The following PARD3B variants were observed in gnomAD, a reference collection of about 807,000 sequenced individuals.
PARD3B encodes partitioning defective 3 homolog B.
Under a neutral mutation model 130.2 loss-of-function variants are expected in PARD3B, and 103 were observed. The ratio of observed to expected loss-of-function variants is 0.79; its 90% CI spans 0.67 to 0.93. The LOEUF (loss-of-function observed/expected upper bound fraction) is 0.93, where lower values mean the gene tolerates loss of function less well. Ranked by LOEUF, PARD3B falls within the 40% of genes least tolerant of loss-of-function variation. The probability of loss-of-function intolerance (pLI) is 0.00; values close to 1 mark genes in which losing one functional copy is unlikely to be tolerated. For missense variants in PARD3B, 1,609 were observed against 1,499.2 expected (o/e 1.07, Z -1.21); for synonymous variants, 583 against 553.2 (o/e 1.05, Z -0.76).
At chr2:205,259,379 C>T (rs2040213807) in intron 16 of PARD3B, among the ~76,000 whole-genome samples, 3 of 149,396 alleles carry the variant, frequency 2.0e-5, no homozygotes, top group South Asian at 2.1e-4. Context: ...ACTTATAGCA[C>T]ATTGGAGATC....
intron 20 of PARD3B, among the ~76,000 whole-genome samples, chr2:205,495,046 A>C (rs2106328833): frequency 6.6e-6 from 1 of 152,278 alleles, no homozygotes; most frequent in Admixed American, 6.5e-5. Flanking sequence ...TCATTTTAAA[A>C]AGTACTACAG....
chr2:205,067,752 G>A (rs1049070283), intron 4 of PARD3B, among the ~76,000 whole-genome samples: 3 of 152,132 alleles, frequency 2.0e-5, no homozygotes, highest in Non-Finnish European at 2.9e-5. Flanking sequence ...TGCTATTTCT[G>A]TGTTTATTTA....
rs1162694717 is a variant in PARD3B at position 205,590,262 on chromosome 2, G to T, written c.3261-25194G>T. On this transcript the variant is annotated intron_variant, in intron 22 of 22. Transcript: ENST00000406610. The surrounding 1 kb of genome is among the most constrained non-coding windows in gnomAD (Gnocchi z 4.1). ...GCTACCCAAGATCTCATAAAAGGCT[G>T]TCAGCACTTGGCTTCTTTCTCCCCA... Among the ~76,000 whole-genome samples the T allele has an allele frequency of 6.6e-6, 1 of 152,202 alleles. No homozygotes were observed. The highest frequency in any genetic ancestry group is 1.5e-5 in the Non-Finnish European group (1 of 68,044).
At chr2:205,491,162 T>C (rs919947067) in intron 20 of PARD3B, among the ~76,000 whole-genome samples, 10 of 152,234 alleles carry the variant, frequency 6.6e-5, no homozygotes, top group African/African-American at 2.4e-4. Flanking sequence ...TTTGGTGTTT[T>C]AGACATGAAG....
chr2:204,985,533 A>G (rs1440997308), intron 3 of PARD3B, among the ~76,000 whole-genome samples: 2 of 152,210 alleles, frequency 1.3e-5, no homozygotes, highest in East Asian at 1.9e-4. Context: ...TGTTCTTGCC[A>G]TGCACCACAC....
rs76129085 is a variant in PARD3B at position 204,806,886 on chromosome 2, A to G, written c.222+120604A>G. On this transcript the variant is annotated intron_variant, in intron 2 of 22. Transcript: ENST00000406610. Reference sequence around the variant, plus strand: ...ACAAATGGTAAACAGCTATGTAAAAATGTGCTCAACATCATTGCATTAGCC... The same window carrying G: ...ACAAATGGTAAACAGCTATGTAAAAGTGTGCTCAACATCATTGCATTAGCC... Among the ~76,000 whole-genome samples the G allele has an allele frequency of 3.9e-5, 6 of 152,330 alleles. No individual in the cohort carries two copies. In the East Asian group the frequency reaches 9.6e-4, roughly 24 times the overall value.
chr2:204,897,525 C>T lies in PARD3B; in HGVS notation c.223-67627C>T, dbSNP rs150710130. On this transcript the variant is annotated intron_variant, in intron 2 of 22. Coordinates refer to ENST00000406610, the MANE Select transcript of PARD3B (RefSeq NM_001302769.2). Reference sequence around the variant, plus strand: ...TCATTTGGAGATAATTGTAGAATTGCGTATGGTTATAAGTAACATAGGAAG... The same window carrying T: ...TCATTTGGAGATAATTGTAGAATTGTGTATGGTTATAAGTAACATAGGAAG... Among the ~76,000 whole-genome samples, 215 of 151,246 alleles carry T rather than the reference C, an allele frequency of 1.4e-3. 1 individual carries two copies. The highest frequency in any genetic ancestry group is 4.2e-3 in the African/African-American group (175 of 41,200).
chr2:204,990,626 T>G (rs965988806), intron 3 of PARD3B, among the ~76,000 whole-genome samples: 2 of 150,982 alleles, frequency 1.3e-5, no homozygotes, highest in African/African-American at 5.0e-5. Context: ...AGATTGTATC[T>G]GTCTGTGTGT....
In PARD3B at chr2:205,584,712, T is replaced by C. The variant is rs534605390; in HGVS notation, c.3261-30744T>C. Reference sequence around the variant, plus strand: ...TAAATAAAAATAAATAAATAAATGATATATGTGGCTTGCATTATTTTCTCC... The same window carrying C: ...TAAATAAAAATAAATAAATAAATGACATATGTGGCTTGCATTATTTTCTCC... On this transcript the variant is annotated intron_variant, in intron 22 of 22. Transcript: ENST00000406610. This position sits in a 1 kb window ranked among gnomAD's most constrained non-coding sequence, Gnocchi z 5.5. Among the ~76,000 whole-genome samples the C allele has an allele frequency of 2.0e-5, 3 of 152,184 alleles. No homozygotes were observed. In the South Asian group the frequency reaches 6.2e-4, roughly 32 times the overall value.
chr2:204,890,733 G>T lies in PARD3B; in HGVS notation c.223-74419G>T, dbSNP rs989380610. ...TGGCCTAAGGCCTGCTAGCCACAGG[G>T]AGGCAGGGATGTCCCCTCTTGCTCA... On this transcript the variant is annotated intron_variant, in intron 2 of 22. Transcript: ENST00000406610. The surrounding 1 kb of genome is among the most constrained non-coding windows in gnomAD (Gnocchi z 4.9). Among the ~76,000 whole-genome samples, 4 of 152,180 alleles carry T rather than the reference G, an allele frequency of 2.6e-5. No homozygotes were observed. Among genetic ancestry groups the T allele is most frequent in the African/African-American group, 4.8e-5 (2 of 41,450 alleles).
At chr2:204,990,234 T>G (rs185271934) in intron 3 of PARD3B, among the ~76,000 whole-genome samples, 1 of 152,060 alleles carries the variant, frequency 6.6e-6, no homozygotes, top group Non-Finnish European at 1.5e-5. Context: ...TTTTTACTCA[T>G]TGATTTGCAG....
chr2:204,825,225 T>C (rs186538206), intron 2 of PARD3B, among the ~76,000 whole-genome samples: 57 of 152,334 alleles, frequency 3.7e-4, no homozygotes, highest in Non-Finnish European at 6.3e-4. Flanking sequence ...CATTCCAGCT[T>C]TCTTACTCAT....
intron 2 of PARD3B, among the ~76,000 whole-genome samples, chr2:204,794,478 G>T (rs1291082615): frequency 6.6e-6 from 1 of 152,130 alleles, no homozygotes; most frequent in Non-Finnish European, 1.5e-5. Flanking sequence ...AGTGGAACTG[G>T]CTTGTAGTAT....
intron 4 of PARD3B, among the ~76,000 whole-genome samples, chr2:205,058,616 T>C (rs1699879187): frequency 6.6e-6 from 1 of 152,030 alleles, no homozygotes; most frequent in East Asian, 1.9e-4. Flanking sequence ...GTTTCTGTTT[T>C]GTTTTTAGTA....
intron 2 of PARD3B, among the ~76,000 whole-genome samples, chr2:204,756,501 T>G (rs1020880372): frequency 6.6e-6 from 1 of 152,154 alleles, no homozygotes; most frequent in African/African-American, 2.4e-5. Flanking sequence ...GTGCAAATGC[T>G]GCAGCAGGAT....
chr2:205,405,964 A>G lies in PARD3B; in HGVS notation c.2741+4841A>G, dbSNP rs1203130318. Among the ~76,000 whole-genome samples the G allele has an allele frequency of 6.6e-6, 1 of 152,184 alleles. No individual in the cohort carries two copies. The highest frequency in any genetic ancestry group is 6.6e-5 in the Admixed American group (1 of 15,266). On this transcript the variant is annotated intron_variant, in intron 19 of 22. Transcript: ENST00000406610. This position sits in a 1 kb window ranked among gnomAD's most constrained non-coding sequence, Gnocchi z 4.1. ...ATCTGGTCCTAAGCTACATTACTGG[A>G]AGTTCATGTACAAAATAAAGGAAGC...
chr2:205,236,087 A>T (rs1291817114), intron 15 of PARD3B, among the ~76,000 whole-genome samples: 1 of 152,246 alleles, frequency 6.6e-6, no homozygotes, highest in Non-Finnish European at 1.5e-5. Context: ...TAAATTTGAC[A>T]ACTAAAATGT....
At chr2:204,833,560 T>C (rs1298846775) in intron 2 of PARD3B, among the ~76,000 whole-genome samples, 1 of 151,866 alleles carries the variant, frequency 6.6e-6, no homozygotes, top group African/African-American at 2.4e-5. Context: ...TGGTGGGAGG[T>C]AGTTGAATCA....
intron 22 of PARD3B, among the ~76,000 whole-genome samples, chr2:205,576,747 C>T (rs182343268): frequency 6.6e-6 from 1 of 152,032 alleles, no homozygotes; most frequent in Non-Finnish European, 1.5e-5. Context: ...TAAGTTTATT[C>T]TTCTCCTTCA....
Sources: allele counts gnomAD v4.1 joint callset (sites outside exome capture counted in the v4.1 genomes callset), GRCh38; gene constraint gnomAD v4.1.1; non-coding constraint Gnocchi (gnomAD v3.1); transcripts MANE v1.5; gene names NCBI Gene and HGNC (gene_info 2026-07-23, HGNC 2026-07-21).